The following PDCD6 variants were observed in gnomAD, a reference collection of about 807,000 sequenced individuals.
The protein encoded by PDCD6 is programmed cell death 6.
PDCD6 carries 12 observed loss-of-function variants against 28.3 expected under a neutral mutation model. That is an observed-to-expected ratio of 0.42 (90% confidence interval 0.27 to 0.69). PDCD6 has a LOEUF of 0.69. Ranked by LOEUF, PDCD6 falls within the 30% of genes least tolerant of loss-of-function variation. PDCD6 has a pLI of 0.22. For missense variants in PDCD6, 226 were observed against 269.9 expected (o/e 0.84, Z 1.14); for synonymous variants, 92 against 108.0 (o/e 0.85, Z 0.92).
rs766932019 is a variant in PDCD6, at chr5:306,708, C to T, written c.315C>T (p.Asp105=). 1.2e-6 allele frequency: 2 copies of T among 1,613,958 alleles called. No homozygotes were observed. The highest frequency in any genetic ancestry group is 1.7e-6 in the Non-Finnish European group (2 of 1,180,046). The part of the protein sequence containing the change: ...WQNVFRTYDR[D]NSGMIDKNEL... ...ACGTCTTCCGCACGTACGACCGGGA[C>T]AACTCCGGGATGATCGATAAGAACG... Residue 105 remains aspartate (D), a synonymous_variant, in exon 4 of 6, where the codon GAC becomes GAT. Coordinates refer to ENST00000264933, the MANE Select transcript of PDCD6 (RefSeq NM_013232.4).
intron 2 of PDCD6, among the ~76,000 whole-genome samples, chr5:279,801 A>C (rs1234430547): frequency 2.0e-5 from 3 of 148,366 alleles, no homozygotes; most frequent in African/African-American, 5.2e-5. Context: ...AAAAAAAAAA[A>C]AAAAACGAGG....
intron 3 of PDCD6, chr5:304,644 T>TTTC (rs1236097306): frequency 3.1e-5 from 5 of 163,150 alleles, no homozygotes; most frequent in African/African-American, 9.6e-5. Context: ...CGCTAGATAT[T>TTTC]TGTGACATGG....
intron 1 of PDCD6, among the ~76,000 whole-genome samples, chr5:272,043 C>T (rs990169415): frequency 5.9e-5 from 9 of 152,034 alleles, no homozygotes; most frequent in Admixed American, 3.9e-4. Context: ...CCGCGGTCTC[C>T]CCCGTCCGCT....
intron 2 of PDCD6, among the ~76,000 whole-genome samples, chr5:286,560 G>GT (rs750164256): frequency 6.6e-6 from 1 of 151,218 alleles, no homozygotes; most frequent in East Asian, 2.0e-4. Flanking sequence ...CTGGAGACCC[G>GT]TGGGGGAGCT....
chr5:299,988 T>G (rs905445331), intron 2 of PDCD6, among the ~76,000 whole-genome samples: 1 of 152,060 alleles, frequency 6.6e-6, no homozygotes, highest in Non-Finnish European at 1.5e-5. Flanking sequence ...TCACTGTCCT[T>G]CTCTCACATG....
chr5:314,172 C>T (rs1741119537), intron 5 of PDCD6, among the ~76,000 whole-genome samples: 1 of 151,054 alleles, frequency 6.6e-6, no homozygotes, highest in South Asian at 2.1e-4. Context: ...GTCAGGGGCT[C>T]AGCCAGGGGC....
intron 2 of PDCD6, among the ~76,000 whole-genome samples, chr5:298,376 CAG>C (rs907342695): frequency 2.2e-4 from 34 of 152,064 alleles, no homozygotes; most frequent in African/African-American, 8.2e-4. Context: ...CAGGCACTGT[CAG>C]GGGTTCTCTC....
chr5:274,081 C>T (rs1738026872), intron 2 of PDCD6, among the ~76,000 whole-genome samples: 1 of 152,120 alleles, frequency 6.6e-6, no homozygotes, highest in Non-Finnish European at 1.5e-5. Flanking sequence ...ATGTTGACCA[C>T]AGTGGATGCA....
intron 2 of PDCD6, among the ~76,000 whole-genome samples, chr5:281,144 A>G (rs1354867832): frequency 6.6e-6 from 1 of 152,278 alleles, no homozygotes; most frequent in Non-Finnish European, 1.5e-5. Flanking sequence ...ACATAAGTAG[A>G]TTGCAAGGCT....
Position 306,694 on chromosome 5 carries a change from A to C in PDCD6, c.301A>C (p.Thr101Pro). The change falls in exon 4 of 6, where the codon ACG (threonine) becomes CCG (proline). Residue 101 changes from threonine (T) to proline (P), a missense_variant. Around this residue, in one of 3 missense-constraint regions of PDCD6, gnomAD observed 151 missense variants for 177.2 expected, o/e 0.85. Coordinates refer to ENST00000264933, the MANE Select transcript of PDCD6 (RefSeq NM_013232.4). ...YITDWQNVFR[T>P]YDRDNSGMID... Reference sequence around the variant, plus strand: ...CACGGACTGGCAGAACGTCTTCCGCACGTACGACCGGGACAACTCCGGGAT... The same window carrying C: ...CACGGACTGGCAGAACGTCTTCCGCCCGTACGACCGGGACAACTCCGGGAT... 6.2e-7 allele frequency: 1 copy of C among 1,614,076 alleles called. No individual in the cohort carries two copies. Among genetic ancestry groups the C allele is most frequent in the Non-Finnish European group, 8.5e-7 (1 of 1,180,034 alleles).
In PDCD6 at chr5:299,538, C is replaced by T. The variant is rs531217007; in HGVS notation, c.164-4639C>T. 4.9e-5 allele frequency among the ~76,000 whole-genome samples: 7 copies of T among 142,958 alleles called. No homozygotes were observed. In the South Asian group the frequency reaches 6.3e-4, roughly 13 times the overall value. 93.8% of individuals were successfully genotyped at this position (142,958 alleles called of 152,430 possible). ...CTGTACTTTTAAGAAATAATTCTTA[C>T]GTTCTTTTGAAGGTTTTTTTTTTTT... On this transcript the variant is annotated intron_variant, in intron 2 of 5. Coordinates refer to ENST00000264933, the MANE Select transcript of PDCD6 (RefSeq NM_013232.4).
chr5:303,907 A>G (rs1165335073), intron 2 of PDCD6, among the ~76,000 whole-genome samples: 1 of 151,360 alleles, frequency 6.6e-6, no homozygotes, highest in African/African-American at 2.5e-5. Flanking sequence ...GTTAAATAAG[A>G]GTGCATGTCC....
At chr5:299,643 G>A (rs963562710) in intron 2 of PDCD6, among the ~76,000 whole-genome samples, 9 of 151,470 alleles carry the variant, frequency 5.9e-5, no homozygotes, top group Non-Finnish European at 8.8e-5. Flanking sequence ...TCCACCTCCC[G>A]GGTTCACGCC....
intron 5 of PDCD6, among the ~76,000 whole-genome samples, chr5:313,487 G>A (rs184805374): frequency 2.1e-4 from 32 of 152,224 alleles, no homozygotes; most frequent in African/African-American, 7.5e-4. Flanking sequence ...CTTTGAGATG[G>A]AGTCTCACTC....
At chr5:280,819 G>A (rs900863702) in intron 2 of PDCD6, among the ~76,000 whole-genome samples, 1 of 151,310 alleles carries the variant, frequency 6.6e-6, no homozygotes, top group African/African-American at 2.4e-5. Flanking sequence ...ATGGGAGCTG[G>A]CATTTAAGAG....
chr5:290,479 T>A (rs528297013), intron 2 of PDCD6, among the ~76,000 whole-genome samples: 66 of 152,086 alleles, frequency 4.3e-4, no homozygotes, highest in Non-Finnish European at 7.5e-4. Flanking sequence ...AGGGGAAGCA[T>A]GTGAGAGAGT....
intron 1 of PDCD6, 144 bp downstream of exon 1, chr5:271,965 C>T (rs1221324048): frequency 2.3e-6 from 1 of 428,162 alleles, no homozygotes; most frequent in Admixed American, 4.5e-5. Context: ...GGCCCCCTCC[C>T]GTCCCCTGCC....
At position 287,326 on chromosome 5, in the gene PDCD6, TAGAG is replaced by T. The variant is rs371957646; in HGVS notation, c.163+14563_163+14566del. 2.5e-3 allele frequency among the ~76,000 whole-genome samples: 385 copies of T among 151,996 alleles called. 1 individual carries two copies. Among genetic ancestry groups the T allele is most frequent in the African/African-American group, 8.9e-3 (369 of 41,460 alleles). On this transcript the variant is annotated intron_variant, in intron 2 of 5. Transcript: ENST00000264933. ...AAACACGGAGCCGATGTTAGGGAAG[TAGAG>T]AGAGAGAGTTTCAGGACGCCACTTG...
intron 3 of PDCD6, 163 bp downstream of exon 3, chr5:304,384 C>G (rs1740334794): frequency 1.6e-5 from 18 of 1,108,622 alleles, no homozygotes; most frequent in Non-Finnish European, 2.3e-5. Context: ...GTCTCTGTAC[C>G]TTTTCACATC....
Sources: gnomAD v4.1 joint callset for allele counts (sites outside exome capture counted in the v4.1 genomes callset) on GRCh38, gnomAD v4.1.1 for gene constraint, gnomAD v4.1.1 regional missense constraint, MANE v1.5 for transcripts, NCBI Gene and HGNC (gene_info 2026-07-23, HGNC 2026-07-21) for gene names.